Variants in ADAMTS20 observed in about 807,000 individuals in gnomAD.
ADAMTS20 encodes A disintegrin and metalloproteinase with thrombospondin motifs 20.
A neutral mutation model predicts 260.1 loss-of-function variants in ADAMTS20; 225 were observed. That is an observed-to-expected ratio of 0.87 (90% CI 0.78 to 0.97). ADAMTS20 has a LOEUF of 0.97. ADAMTS20 is among the 50% of genes least tolerant of loss of function. The pLI is 0.00. For synonymous variants in ADAMTS20, 802 were observed against 769.5 expected, an observed-to-expected ratio of 1.04 and a Z score of -0.70; for missense variants, 2,400 against 2,337.7, an observed-to-expected ratio of 1.03 and a Z score of -0.55.
At chr12:43,423,786 A>T in intron 28 of ADAMTS20, 1 of 702,878 alleles carries the variant, frequency 1.4e-6, no homozygotes, top group African/African-American at 1.7e-5. Context: ...TCTGGATCAC[A>T]GTGCCTAGGA....
chr12:43,494,461 G>T (rs1942648834), intron 4 of ADAMTS20, among the ~76,000 whole-genome samples: 1 of 152,158 alleles, frequency 6.6e-6, no homozygotes, highest in Non-Finnish European at 1.5e-5. Flanking sequence ...CTTTAGAGCT[G>T]CTGACACTGT....
At position 43,478,842 on chromosome 12, in the gene ADAMTS20, G is replaced by A. The variant is rs543795136; in HGVS notation, c.1118-10137C>T. 3.3e-5 allele frequency among the ~76,000 whole-genome samples: 5 copies of A among 152,290 alleles called. No individual in the cohort carries two copies. The East Asian group carries it at 9.6e-4, about 29-fold the overall frequency. On this transcript the variant is annotated intron_variant, in intron 7 of 38. Transcript: ENST00000389420. ...CTATGAGTTATTTTAGTAAATTACT[G>A]AATTAGAAAGAGTGGGTTGTGAGAA...
chr12:43,430,956 C>G (rs1565694647), intron 22 of ADAMTS20, among the ~76,000 whole-genome samples: 1 of 152,214 alleles, frequency 6.6e-6, no homozygotes, highest in Non-Finnish European at 1.5e-5. Flanking sequence ...CTGATCATTG[C>G]TCATCCTGCA....
At chr12:43,521,539 A>C (rs1943071835) in intron 3 of ADAMTS20, among the ~76,000 whole-genome samples, 1 of 152,260 alleles carries the variant, frequency 6.6e-6, no homozygotes, top group Middle Eastern at 3.4e-3. Context: ...TGTTGATAAG[A>C]TGGCTTTTTT....
At chr12:43,515,758 A>G (rs1225842553) in intron 3 of ADAMTS20, among the ~76,000 whole-genome samples, 1 of 152,208 alleles carries the variant, frequency 6.6e-6, no homozygotes, top group Non-Finnish European at 1.5e-5. Flanking sequence ...AGTTTTATTC[A>G]CATGGCTTTT....
intron 28 of ADAMTS20, chr12:43,423,842 T>C (rs1479590696): frequency 1.4e-6 from 1 of 715,480 alleles, no homozygotes; most frequent in Non-Finnish European, 2.6e-6. Flanking sequence ...CATATGTGAG[T>C]GCTTTCCATG....
chr12:43,544,303 C>T (rs906626354), intron 2 of ADAMTS20, among the ~76,000 whole-genome samples: 1 of 152,106 alleles, frequency 6.6e-6, no homozygotes, highest in Non-Finnish European at 1.5e-5. Context: ...TTTCCTGCAT[C>T]GAATGACTGA....
At chr12:43,486,555 A>C (rs1942525776) in intron 7 of ADAMTS20, among the ~76,000 whole-genome samples, 1 of 152,188 alleles carries the variant, frequency 6.6e-6, no homozygotes, top group Non-Finnish European at 1.5e-5. Context: ...AAGCAAATGC[A>C]ACAAAAACAA....
At chr12:43,455,722 T>C (rs1941952497) in intron 11 of ADAMTS20, among the ~76,000 whole-genome samples, 1 of 151,990 alleles carries the variant, frequency 6.6e-6, no homozygotes, top group Non-Finnish European at 1.5e-5. Context: ...TTTTTTTTTT[T>C]TTTTGAGATG....
intron 7 of ADAMTS20, among the ~76,000 whole-genome samples, chr12:43,482,923 A>G (rs1942464129): frequency 6.6e-6 from 1 of 152,154 alleles, no homozygotes; most frequent in Admixed American, 6.5e-5. Flanking sequence ...CTGGCTCAGG[A>G]AGGAGAAAAC....
chr12:43,369,882 T>G (rs1940069579), intron 36 of ADAMTS20, among the ~76,000 whole-genome samples: 1 of 152,180 alleles, frequency 6.6e-6, no homozygotes, highest in Non-Finnish European at 1.5e-5. Flanking sequence ...TTCTTTTTAT[T>G]TTTTTCAAAC....
chr12:43,549,460 TA>T (rs1384293553), intron 2 of ADAMTS20, among the ~76,000 whole-genome samples: 1 of 151,970 alleles, frequency 6.6e-6, no homozygotes, highest in Non-Finnish European at 1.5e-5. Flanking sequence ...TTAAAAATTT[TA>T]AAAAAGGATA....
intron 36 of ADAMTS20, among the ~76,000 whole-genome samples, chr12:43,371,550 TG>T (rs1003871647): frequency 6.6e-6 from 1 of 151,572 alleles, no homozygotes; most frequent in Non-Finnish European, 1.5e-5. Flanking sequence ...TGGTGGAGAG[TG>T]GTTCTGGATG....
In ADAMTS20 at chr12:43,427,343, G is replaced by A; in HGVS notation, c.4072C>T (p.Pro1358Ser). The change falls in exon 27 of 39, where the codon CCT (proline) becomes TCT (serine). Residue 1358 changes from proline (P) to serine (S), a missense_variant. Pro to Ser is a moderately conservative substitution (Grantham distance 74). Transcript: ENST00000389420. ...TTTCCGTAGTTCCACTGTGGACAAG[G>A]CCCTGGACCACATTGCTGTAACTCT... ...PPELQQCGPG[P>S]CPQWNYGNWG... 1.2e-6 allele frequency: 2 copies of A among 1,613,746 alleles called. No individual in the cohort carries two copies. Among genetic ancestry groups the A allele is most frequent in the South Asian group, 2.2e-5 (2 of 91,064 alleles).
intron 6 of ADAMTS20, among the ~76,000 whole-genome samples, chr12:43,491,801 A>G (rs1942604237): frequency 6.6e-6 from 1 of 152,164 alleles, no homozygotes; most frequent in Admixed American, 6.5e-5. Context: ...AAAGAAGAAC[A>G]AAGTTGCTCT....
chr12:43,429,593 T>C, intron 24 of ADAMTS20, 24 bp downstream of exon 24: 1 of 1,498,536 alleles, frequency 6.7e-7, no homozygotes, highest in Non-Finnish European at 9.1e-7. Context: ...AGAAACACTG[T>C]ATCTATTAAA....
chr12:43,514,560 CAAAAAAAAAAAAAAA>C (rs58435633), intron 3 of ADAMTS20, among the ~76,000 whole-genome samples: 6 of 63,656 alleles, frequency 9.4e-5, no homozygotes, highest in East Asian at 1.2e-3. Flanking sequence ...GACTCTATCT[CAAAAAAAAAAAAAAA>C]AAAAAAAAAA....
At chr12:43,548,013 C>A (rs746656517) in intron 2 of ADAMTS20, among the ~76,000 whole-genome samples, 1 of 152,190 alleles carries the variant, frequency 6.6e-6, no homozygotes, top group East Asian at 1.9e-4. Context: ...CACGTTATAA[C>A]CCTGTATATA....
chr12:43,455,267 TTTGTGC>T (rs1941943500), intron 11 of ADAMTS20, among the ~76,000 whole-genome samples: 1 of 152,212 alleles, frequency 6.6e-6, no homozygotes, highest in Non-Finnish European at 1.5e-5. Context: ...CTTAGTCCAT[TTTGTGC>T]TGCTATATAA....
Sources: allele counts gnomAD v4.1 joint callset (sites outside exome capture counted in the v4.1 genomes callset), GRCh38; gene constraint gnomAD v4.1.1; transcripts MANE v1.5; gene names NCBI Gene and HGNC (gene_info 2026-07-23, HGNC 2026-07-21).